RIMKLB: variants seen among roughly 807,000 people sequenced by gnomAD.
The protein encoded by RIMKLB is ribosomal modification protein rimK like family member B.
In RIMKLB, 7 loss-of-function variants were observed where a neutral mutation model predicts 32.0. That is an observed-to-expected ratio of 0.22 (90% CI 0.12 to 0.41). RIMKLB has a LOEUF of 0.41. RIMKLB is among the 10% of genes least tolerant of loss of function. RIMKLB has a pLI of 1.00. For missense variants in RIMKLB, 289 were observed against 498.7 expected (o/e 0.58, Z 4.00); for synonymous variants, 172 against 185.1 (o/e 0.93, Z 0.57).
downstream of RIMKLB, among the ~76,000 whole-genome samples, chr12:8,781,858 A>C (rs1327780406): frequency 6.6e-6 from 1 of 151,998 alleles, no homozygotes; most frequent in Admixed American, 6.6e-5. Context: ...AAATTTATAG[A>C]ATGTAAATGT....
chr12:8,725,624 G>A (rs1302434120), intron 2 of RIMKLB, among the ~76,000 whole-genome samples: 1 of 152,232 alleles, frequency 6.6e-6, no homozygotes, highest in Non-Finnish European at 1.5e-5. Flanking sequence ...CTGCAAGGGG[G>A]CAGGTAGGAG....
chr12:8,777,653 C>T (rs1950813917), downstream of RIMKLB: 1 of 1,289,190 alleles, frequency 7.8e-7, no homozygotes, highest in African/African-American at 1.5e-5. Flanking sequence ...AAAAACTTTC[C>T]TTCTTCCCCC....
At position 8,776,608 on chromosome 12, in the gene RIMKLB, T is replaced by G. The variant is rs770796989; in HGVS notation, c.*2824T>G. The G allele has an allele frequency of 9.5e-5, 83 of 870,994 alleles. No homozygotes were observed. Among genetic ancestry groups the G allele is most frequent in the Non-Finnish European group, 1.1e-4 (82 of 726,058 alleles). 54.0% of individuals were successfully genotyped at this position (870,994 alleles called of 1,614,324 possible). ...GATATTGTTTTTATGTCACCCATGATGAAAACTGGACTTTATATATCTAAA... is the reference window on the plus strand; with the variant it reads ...GATATTGTTTTTATGTCACCCATGAGGAAAACTGGACTTTATATATCTAAA... On this transcript the variant is annotated 3_prime_UTR_variant, in exon 6 of 6. Transcript: ENST00000535829.
chr12:8,692,349 C>T (rs770839461), upstream of RIMKLB, among the ~76,000 whole-genome samples: 8 of 152,202 alleles, frequency 5.3e-5, no homozygotes, highest in Non-Finnish European at 7.3e-5. Flanking sequence ...CTCAAACTTT[C>T]ATGTGTCTAA....
intron 5 of RIMKLB, among the ~76,000 whole-genome samples, chr12:8,769,203 CT>C (rs1389651386): frequency 6.6e-6 from 1 of 152,042 alleles, no homozygotes; most frequent in African/African-American, 2.4e-5. Context: ...TTTTGGCTAC[CT>C]TTACCATTAC....
At chr12:8,714,633 T>G (rs1373272988) in intron 2 of RIMKLB, among the ~76,000 whole-genome samples, 1 of 152,196 alleles carries the variant, frequency 6.6e-6, no homozygotes, top group Non-Finnish European at 1.5e-5. Flanking sequence ...TTCTAGTATT[T>G]TTAATATTTC....
chr12:8,716,725 C>CTTTT (rs71451981), intron 2 of RIMKLB, among the ~76,000 whole-genome samples: 1,214 of 94,978 alleles, frequency 0.013, 4 homozygotes, highest in African/African-American at 0.015. Context: ...TCTTTTCCTT[C>CTTTT]TTTTTTTTTT....
At chr12:8,730,135 G>A (rs1222772167) in intron 2 of RIMKLB, among the ~76,000 whole-genome samples, 2 of 152,148 alleles carry the variant, frequency 1.3e-5, no homozygotes, top group Non-Finnish European at 2.9e-5. Context: ...ACCCAGGCTG[G>A]AGTACAATGT....
intron 2 of RIMKLB, 44 bp from the exon 3 acceptor site, chr12:8,749,818 A>G: frequency 7.9e-7 from 1 of 1,267,404 alleles, no homozygotes; most frequent in Non-Finnish European, 1.1e-6. Flanking sequence ...ATTTTGTTGT[A>G]TATTTCCCTC....
chr12:8,760,683 C>T (rs1949445553), intron 5 of RIMKLB, among the ~76,000 whole-genome samples: 1 of 152,166 alleles, frequency 6.6e-6, no homozygotes, highest in South Asian at 2.1e-4. Flanking sequence ...ATTTGCATTT[C>T]TCTGATGGCC....
chr12:8,685,948 C>T (rs748593731), intron 1 of RIMKLB, among the ~76,000 whole-genome samples: 1 of 152,282 alleles, frequency 6.6e-6, no homozygotes, highest in East Asian at 1.9e-4. Context: ...GCTGGGACTA[C>T]AAGCGCCCAC....
chr12:8,756,684 C>CTTTTTTTTTTTTTTTTTTTT (rs145312687), intron 5 of RIMKLB, among the ~76,000 whole-genome samples: 4 of 90,966 alleles, frequency 4.4e-5, no homozygotes, highest in Non-Finnish European at 6.0e-5. Flanking sequence ...TTACTTTCTA[C>CTTTTTTTTTTTTTTTTTTTT]TTTTTTTTTT....
the RIMKLB span, among the ~76,000 whole-genome samples, chr12:8,673,844 G>A: frequency 2.0e-5 from 3 of 152,002 alleles, no homozygotes; most frequent in East Asian, 1.9e-4. Context: ...TGATCCGCCC[G>A]CTTTGGCCTC....
intron 2 of RIMKLB, chr12:8,742,442 T>C (rs1947646098): frequency 2.8e-6 from 1 of 350,926 alleles, no homozygotes; most frequent in Non-Finnish European, 5.5e-6. Context: ...CTGGAACCTT[T>C]ATGTCCTACA....
intron 2 of RIMKLB, among the ~76,000 whole-genome samples, chr12:8,729,320 C>A (rs771890650): frequency 6.6e-6 from 1 of 151,978 alleles, no homozygotes; most frequent in South Asian, 2.1e-4. Context: ...GAAAGTGGCT[C>A]TCGGTGGGAA....
At chr12:8,696,582 C>G (rs183982074), upstream of RIMKLB, among the ~76,000 whole-genome samples, 5 of 152,274 alleles carry the variant, frequency 3.3e-5, no homozygotes, top group Admixed American at 2.6e-4. Context: ...TTTATCCTCA[C>G]TTTTACAGCT....
intron 5 of RIMKLB, 60 bp downstream of exon 5, chr12:8,754,153 G>C: frequency 8.3e-7 from 1 of 1,207,526 alleles, no homozygotes; most frequent in Non-Finnish European, 1.2e-6. Flanking sequence ...TGTCCAGTGA[G>C]TATTCATATG....
chr12:8,700,460 A>G (rs1943289269), intron 1 of RIMKLB: 1 of 152,394 alleles, frequency 6.6e-6, no homozygotes. Context: ...GAGCAGAGCC[A>G]GTTGTTCCAC....
At chr12:8,677,400 C>G (rs1942349476), upstream of RIMKLB, among the ~76,000 whole-genome samples, 1 of 152,142 alleles carries the variant, frequency 6.6e-6, no homozygotes, top group Admixed American at 6.5e-5. Context: ...ACACACCACA[C>G]CCTTAATCAC....
Sources: allele counts gnomAD v4.1 joint callset (sites outside exome capture counted in the v4.1 genomes callset), GRCh38; gene constraint gnomAD v4.1.1; transcripts MANE v1.5; gene names NCBI Gene and HGNC (gene_info 2026-07-23, HGNC 2026-07-21).